Variants in KLHDC4 observed in about 807,000 individuals in gnomAD.
The protein encoded by KLHDC4 is kelch domain containing 4.
KLHDC4 carries 90 observed loss-of-function variants against 62.4 expected under a neutral mutation model. That is an observed-to-expected ratio of 1.44 (90% confidence interval 1.22 to 1.72). The LOEUF (loss-of-function observed/expected upper bound fraction) is 1.72. Among genes scored for constraint, KLHDC4 ranks in the 40% most tolerant of loss-of-function variants. The probability of loss-of-function intolerance (pLI) is 0.00; values close to 1 mark genes in which losing one functional copy is unlikely to be tolerated. For synonymous variants in KLHDC4, 386 were observed against 284.4 expected (o/e 1.36, Z -3.59); for missense variants, 1,025 against 699.7 (o/e 1.47, Z -5.25).
chr16:87,762,277 C>A (rs191021702), intron 1 of KLHDC4: 2 of 671,272 alleles, frequency 3.0e-6, no homozygotes, highest in Non-Finnish European at 4.5e-6. Flanking sequence ...TATCTCCACA[C>A]CCTTAACGCT....
rs114911094 is a variant in KLHDC4, at chr16:87,761,818, C to T, written c.191+131G>A. 9.7e-4 allele frequency: 870 copies of T among 901,058 alleles called. 8 individuals are homozygous for T. The African/African-American group carries it at 0.013, about 14-fold the overall frequency. 55.8% of individuals were successfully genotyped at this position (901,058 alleles called of 1,614,324 possible). A position where few individuals can be genotyped will look rare whatever the true frequency, so the allele number is the denominator to read the frequency against. ...ATTCCAGTTCTTCAGCAGAAAGTGA[C>T]CAAGAACAGGTTTTAATAATGAAAA... is the stretch of plus-strand genomic sequence containing the variant. On this transcript the variant is annotated intron_variant, in intron 2 of 11. Transcript: ENST00000270583.
chr16:87,714,353 C>CCA, intron 8 of KLHDC4, 145 bp downstream of exon 8: 7 of 990,176 alleles, frequency 7.1e-6, no homozygotes, highest in South Asian at 6.2e-5. Context: ...CGGCCCACCC[C>CCA]GAAATGAGCC....
At chr16:87,725,215 G>A (rs1043965538) in intron 7 of KLHDC4, among the ~76,000 whole-genome samples, 1 of 152,172 alleles carries the variant, frequency 6.6e-6, no homozygotes, top group Admixed American at 6.5e-5. Context: ...GGGCACGGCA[G>A]GATCAGGGTG....
At chr16:87,708,305 C>A in intron 11 of KLHDC4, 45 bp downstream of exon 11, 1 of 1,298,028 alleles carries the variant, frequency 7.7e-7, no homozygotes. Context: ...AAGCCTTTCA[C>A]GAACACCCAG....
intron 7 of KLHDC4, among the ~76,000 whole-genome samples, chr16:87,718,519 G>A (rs1015753300): frequency 1.4e-4 from 21 of 150,210 alleles, no homozygotes; most frequent in East Asian, 3.9e-4. Flanking sequence ...GCAGGCACGC[G>A]CCGCCACGCC....
At chr16:87,747,229 G>A (rs1441417536) in intron 5 of KLHDC4, among the ~76,000 whole-genome samples, 1 of 152,206 alleles carries the variant, frequency 6.6e-6, no homozygotes, top group African/African-American at 2.4e-5. Context: ...GCTGGGTTGG[G>A]TGCTGGGTTA....
intron 4 of KLHDC4, 126 bp downstream of exon 4, chr16:87,755,068 G>A (rs2044646996): frequency 1.6e-6 from 1 of 613,718 alleles, no homozygotes; most frequent in Non-Finnish European, 2.9e-6. Context: ...GCAAACAGCA[G>A]AACCAGGCGA....
chr16:87,743,930 A>C (rs2042632015), intron 5 of KLHDC4, among the ~76,000 whole-genome samples: 1 of 151,990 alleles, frequency 6.6e-6, no homozygotes, highest in African/African-American at 2.4e-5. Flanking sequence ...GTCACTGCCT[A>C]AATGCGATTT....
downstream of KLHDC4, among the ~76,000 whole-genome samples, chr16:87,705,196 C>G (rs561612671): frequency 2.0e-4 from 30 of 152,210 alleles, no homozygotes; most frequent in African/African-American, 7.2e-4. Context: ...GCCAGCAGCT[C>G]CCGGGAGACA....
At chr16:87,720,727 G>A (rs753242547) in intron 7 of KLHDC4, among the ~76,000 whole-genome samples, 5 of 152,238 alleles carry the variant, frequency 3.3e-5, no homozygotes, top group Non-Finnish European at 7.3e-5. Context: ...GTCGGTTACG[G>A]TTAGCATCAC....
chr16:87,764,830 CAAAA>C (rs35356541), intron 1 of KLHDC4, among the ~76,000 whole-genome samples: 3 of 80,506 alleles, frequency 3.7e-5, no homozygotes, highest in Admixed American at 1.4e-4. Flanking sequence ...AAGACTCTGT[CAAAA>C]AAAAAAAAAA....
rs144258726 is a variant in KLHDC4, at chr16:87,709,352, C to A, written c.1360G>T (p.Gly454Cys). 6.2e-6 allele frequency: 10 copies of A among 1,613,426 alleles called. No homozygotes were observed. The highest frequency in any genetic ancestry group is 1.6e-4 in the Middle Eastern group (1 of 6,062). The part of the protein sequence containing the change: ...LYVYGGMFEA[G>C]DRQVTLSDLH... The stretch of plus-strand genomic sequence containing the variant: ...TCGCTGAGGGTGACCTGGCGGTCGC[C>A]GGCCTCAAACATGCCCCCATAGACG... Residue 454 changes from glycine to cysteine, a missense_variant, in exon 10 of 12, where the codon GGC becomes TGC. Transcript: ENST00000270583.
intron 4 of KLHDC4, chr16:87,750,357 C>T (rs1470913342): frequency 1.3e-5 from 2 of 152,414 alleles, no homozygotes; most frequent in Non-Finnish European, 1.5e-5. Flanking sequence ...GAGCCGCCCA[C>T]CCTGCCCAGG....
Position 87,707,927 on chromosome 16 carries a change from G to T in KLHDC4, c.*150C>A, listed in dbSNP as rs148776580. ...CCGCGTCAGAGACTAAACCATGGGA[G>T]AAAGTTCACACCCTGGCCTGGGCCA... On this transcript the variant is annotated 3_prime_UTR_variant, in exon 12 of 12. Coordinates refer to ENST00000270583, the MANE Select transcript of KLHDC4 (RefSeq NM_017566.4). 1 of 462,918 alleles carries T rather than the reference G, an allele frequency of 2.2e-6. No individual in the cohort carries two copies. Among genetic ancestry groups the T allele is most frequent in the South Asian group, 1.5e-5 (1 of 64,624 alleles). 28.7% of individuals were successfully genotyped at this position (462,918 alleles called of 1,614,324 possible).
chr16:87,708,695 A>G (rs2035151040), intron 10 of KLHDC4: 3 of 411,686 alleles, frequency 7.3e-6, no homozygotes, highest in Middle Eastern at 6.3e-4. Context: ...AAGCACCCCC[A>G]TAACGGAGCG....
intron 9 of KLHDC4, chr16:87,710,875 A>G: frequency 4.4e-6 from 1 of 227,262 alleles, no homozygotes; most frequent in Non-Finnish European, 8.9e-6. Context: ...CGTGGACAGT[A>G]AAGATGGTGT....
rs1022235956 is a variant in KLHDC4, at chr16:87,761,722, C to T, written c.191+227G>A. Among the ~76,000 whole-genome samples, 9 of 152,118 alleles carry T rather than the reference C, an allele frequency of 5.9e-5. 1 individual carries two copies. Among genetic ancestry groups the T allele is most frequent in the Non-Finnish European group, 2.9e-5 (2 of 68,042 alleles). On this transcript the variant is annotated intron_variant, in intron 2 of 11. Coordinates refer to ENST00000270583, the MANE Select transcript of KLHDC4 (RefSeq NM_017566.4). Reference sequence around the variant, plus strand: ...GTGGAGGAGCTTTCAAAGTTGGCACCGGAGCCCAGAGGCAGCAGCTGTGCT... The same window carrying T: ...GTGGAGGAGCTTTCAAAGTTGGCACTGGAGCCCAGAGGCAGCAGCTGTGCT...
At position 87,722,484 on chromosome 16, in the gene KLHDC4, C is replaced by A. The variant is rs190684829; in HGVS notation, c.759+4281G>T. Among the ~76,000 whole-genome samples, 50 of 152,342 alleles carry A rather than the reference C, an allele frequency of 3.3e-4. No homozygotes were observed. The East Asian group carries it at 7.9e-3, about 24-fold the overall frequency. ...GCTCTTCACATGTCAAACTCTGGAG[C>A]CTTGCCATGCAGAACCACGGTCAGA... On this transcript the variant is annotated intron_variant, in intron 7 of 11. Coordinates refer to ENST00000270583, the MANE Select transcript of KLHDC4 (RefSeq NM_017566.4).
chr16:87,714,349 AC>A (rs1028660215), intron 8 of KLHDC4, 148 bp downstream of exon 8: 24 of 124,602 alleles, frequency 1.9e-4, no homozygotes, highest in Non-Finnish European at 2.9e-4. Context: ...CACCCGGCCC[AC>A]CCCGAAATGA....
Sources: gnomAD v4.1 joint callset for allele counts (sites outside exome capture counted in the v4.1 genomes callset) on GRCh38, gnomAD v4.1.1 for gene constraint, MANE v1.5 for transcripts, NCBI Gene and HGNC (gene_info 2026-07-23, HGNC 2026-07-21) for gene names.